The following SMIM17 variants were observed in gnomAD, a reference collection of about 807,000 sequenced individuals.
The protein encoded by SMIM17 is small integral membrane protein 17.
Under a neutral mutation model 12.2 loss-of-function variants are expected in SMIM17, and 10 were observed. The ratio of observed to expected loss-of-function variants is 0.82; its 90% CI spans 0.50 to 1.39. SMIM17 has a LOEUF of 1.39. Among genes scored for constraint, SMIM17 ranks in the 40% most tolerant of loss-of-function variants. SMIM17 has a pLI of 0.00. For missense variants in SMIM17, 136 were observed against 118.2 expected (o/e 1.15, Z -0.70); for synonymous variants, 50 against 44.1 (o/e 1.13, Z -0.53).
rs909326167 is a variant in SMIM17, at chr19:56,647,746, G to T, written c.246+112G>T. The T allele has an allele frequency of 9.1e-6, 8 of 875,072 alleles. No homozygotes were observed. In the African/African-American group the frequency reaches 1.2e-4, roughly 13 times the overall value. The allele number at this position is 875,072 out of a possible 1,614,324, so 54.2% of individuals were successfully genotyped here. A position where few individuals can be genotyped will look rare whatever the true frequency, so the allele number is the denominator to read the frequency against. On this transcript the variant is annotated intron_variant, in intron 3 of 3. Transcript: ENST00000598409. ...TTTACCTGCCCCATAAAAATCTCAA[G>T]AGATCTCTTGTGTCTGATCTCTATG...
chr19:56,647,945 CT>C (rs1257897777), intron 3 of SMIM17, among the ~76,000 whole-genome samples: 1 of 151,948 alleles, frequency 6.6e-6, no homozygotes, highest in African/African-American at 2.4e-5. Flanking sequence ...TTTCCAATCA[CT>C]CATCCATTCA....
rs1600623720 is a variant in SMIM17, at chr19:56,656,119, T to C, written c.*906T>C. ...ACCACCATGCCCAGCTAATTTTTTG[T>C]ATTTTTAGTAGAGACGGGGTTTCAC... On this transcript the variant is annotated 3_prime_UTR_variant, in exon 4 of 4. Transcript: ENST00000598409. Among the ~76,000 whole-genome samples the C allele has an allele frequency of 6.6e-6, 1 of 151,974 alleles. No individual in the cohort carries two copies. Among genetic ancestry groups the C allele is most frequent in the African/African-American group, 2.4e-5 (1 of 41,366 alleles).
intron 3 of SMIM17, among the ~76,000 whole-genome samples, chr19:56,651,003 C>A (rs921056402): frequency 1.3e-5 from 2 of 152,120 alleles, no homozygotes; most frequent in Admixed American, 6.6e-5. Flanking sequence ...CATTGGCAGG[C>A]CCTGGGTCAG....
chr19:56,651,116 A>G (rs2045105903), intron 3 of SMIM17, among the ~76,000 whole-genome samples: 1 of 152,188 alleles, frequency 6.6e-6, no homozygotes, highest in Admixed American at 6.5e-5. Flanking sequence ...TGACAGTTAC[A>G]GCCTCATTAT....
intron 3 of SMIM17, among the ~76,000 whole-genome samples, chr19:56,651,566 G>A (rs544641162): frequency 3.3e-5 from 5 of 152,172 alleles, no homozygotes; most frequent in Admixed American, 6.5e-5. Context: ...AAGTGCATGA[G>A]ATTTTAAAAA....
At chr19:56,651,598 C>T (rs2045109804) in intron 3 of SMIM17, among the ~76,000 whole-genome samples, 1 of 152,088 alleles carries the variant, frequency 6.6e-6, no homozygotes, top group African/African-American at 2.4e-5. Flanking sequence ...AGAAATAACC[C>T]CTGGTAAAAG....
chr19:56,653,050 A>G (rs1210257256), intron 3 of SMIM17, among the ~76,000 whole-genome samples: 1 of 152,254 alleles, frequency 6.6e-6, no homozygotes. Context: ...AAATTGAAGT[A>G]TAATTATTTC....
At chr19:56,655,059 C>T in intron 3 of SMIM17, 44 bp from the exon 4 acceptor site, 8 of 618,998 alleles carry the variant, frequency 1.3e-5, no homozygotes, top group South Asian at 3.8e-5. Context: ...CAATGGTGGC[C>T]CCTTCCTTTC....
At chr19:56,644,246 GA>G (rs2045045216) in intron 1 of SMIM17, among the ~76,000 whole-genome samples, 1 of 151,490 alleles carries the variant, frequency 6.6e-6, no homozygotes, top group Non-Finnish European at 1.5e-5. Context: ...AAACAAATCA[GA>G]ACTCCCTAAT....
intron 2 of SMIM17, 45 bp from the exon 3 acceptor site, chr19:56,647,513 C>A: frequency 6.9e-7 from 1 of 1,438,986 alleles, no homozygotes; most frequent in Non-Finnish European, 9.4e-7. Flanking sequence ...GCCATCTGGC[C>A]ACTCACTCAT....
Position 56,645,779 on chromosome 19 carries a change from A to G in SMIM17, c.112A>G (p.Thr38Ala), listed in dbSNP as rs746298464. 2.6e-6 allele frequency: 4 copies of G among 1,535,868 alleles called. No homozygotes were observed. In the African/African-American group the frequency reaches 4.1e-5, roughly 16 times the overall value. Residue 38 changes from threonine to alanine, a missense_variant, in exon 2 of 4, where the codon ACC (threonine) becomes GCC (alanine). Thr to Ala is a moderately conservative substitution (Grantham distance 58, BLOSUM62 0). Coordinates refer to ENST00000598409, the MANE Select transcript of SMIM17 (RefSeq NM_001193628.2). ...GGAGAAGCCTCCTCATCCCGCCTGC[A>G]CCAAAGACTGGGAGGCTGTGGAGGT... ...AWEKPPHPAC[T>A]KDWEAVEVGA...
At chr19:56,651,555 T>G (rs2045109386) in intron 3 of SMIM17, among the ~76,000 whole-genome samples, 1 of 152,178 alleles carries the variant, frequency 6.6e-6, no homozygotes, top group South Asian at 2.1e-4. Context: ...AAATCTTATC[T>G]AAGTGCATGA....
At chr19:56,654,490 G>A (rs1014734873) in intron 3 of SMIM17, among the ~76,000 whole-genome samples, 11 of 152,244 alleles carry the variant, frequency 7.2e-5, no homozygotes, top group Admixed American at 4.6e-4. Context: ...TGGCCAGGGT[G>A]GTGGTAGTGA....
At chr19:56,646,754 T>C (rs1174465823) in intron 2 of SMIM17, among the ~76,000 whole-genome samples, 1 of 152,042 alleles carries the variant, frequency 6.6e-6, no homozygotes, top group East Asian at 1.9e-4. Flanking sequence ...TGCTGATGGA[T>C]GTGGAGAAGG....
chr19:56,651,883 C>T (rs1000312546), intron 3 of SMIM17, among the ~76,000 whole-genome samples: 1 of 151,726 alleles, frequency 6.6e-6, no homozygotes, highest in African/African-American at 2.4e-5. Flanking sequence ...TCAGGCGGAT[C>T]GCTTAAGGTC....
At chr19:56,647,527 T>A in intron 2 of SMIM17, 31 bp from the exon 3 acceptor site, 6 of 1,516,010 alleles carry the variant, frequency 4.0e-6, no homozygotes, top group Non-Finnish European at 5.3e-6. Context: ...CACTCATGGC[T>A]CCTTTTTCCT....
intron 3 of SMIM17, among the ~76,000 whole-genome samples, chr19:56,648,407 A>C (rs1182877194): frequency 3.3e-5 from 5 of 151,814 alleles, no homozygotes; most frequent in Non-Finnish European, 5.9e-5. Flanking sequence ...CCATCCATCC[A>C]TCCACCCATT....
chr19:56,651,251 A>T (rs1478633223), intron 3 of SMIM17, among the ~76,000 whole-genome samples: 1 of 152,084 alleles, frequency 6.6e-6, no homozygotes, highest in African/African-American at 2.4e-5. Flanking sequence ...AGGTTATGTG[A>T]CTTTCCCTTG....
chr19:56,655,027 A>G (rs1346203282), intron 3 of SMIM17, 76 bp from the exon 4 acceptor site: 3 of 572,662 alleles, frequency 5.2e-6, no homozygotes, highest in Non-Finnish European at 9.5e-6. Flanking sequence ...CTGATCATAT[A>G]AGTCTATTTT....
Sources: allele counts gnomAD v4.1 joint callset (sites outside exome capture counted in the v4.1 genomes callset), GRCh38; gene constraint gnomAD v4.1.1; transcripts MANE v1.5; gene names NCBI Gene and HGNC (gene_info 2026-07-23, HGNC 2026-07-21).